The following CCAR2 variants were observed in gnomAD, a reference collection of about 807,000 sequenced individuals.
CCAR2 encodes the protein cell cycle and apoptosis regulator 2, also known as cell cycle and apoptosis regulator protein 2.
A neutral mutation model predicts 108.1 loss-of-function variants in CCAR2; 21 were observed. That is an observed-to-expected ratio of 0.19 (90% confidence interval 0.14 to 0.28). The LOEUF is 0.28. Among genes scored for constraint, CCAR2 ranks in the 10% least tolerant of loss-of-function variants. The pLI, the probability that CCAR2 is intolerant of heterozygous loss-of-function variation, is 1.00. For synonymous variants in CCAR2, 577 were observed against 472.8 expected, an observed-to-expected ratio of 1.22 and a Z score of -2.86; for missense variants, 1,126 against 1,177.0, an observed-to-expected ratio of 0.96 and a Z score of 0.63.
Position 22,606,600 on chromosome 8 carries a change from C to T in CCAR2, c.151-7C>T, listed in dbSNP as rs776320111. 6.2e-7 allele frequency: 1 copy of T among 1,611,850 alleles called. No homozygotes were observed. The highest frequency in any genetic ancestry group is 2.2e-5 in the East Asian group (1 of 44,896). Reference sequence around the variant, plus strand: ...TTTTACTTTTCAGCTGTCTCCTTCTCTTACAGGGTGGGGAGAAACAGCGGG... The same window carrying T: ...TTTTACTTTTCAGCTGTCTCCTTCTTTTACAGGGTGGGGAGAAACAGCGGG... On this transcript the variant is annotated splice_polypyrimidine_tract_variant and splice_region_variant and intron_variant, in intron 3 of 20. Transcript: ENST00000308511.
Position 22,615,885 on chromosome 8 carries a change from G to C in CCAR2, c.1581G>C (p.Arg527=), listed in dbSNP as rs758034379. ...NLSLHGIVED[R]RPKERISFEV... Reference sequence around the variant, plus strand: ...CCCTCCATGGGATTGTGGAGGATCGGAGGCCAAAGGAAAGGATCTCTTTTG... The same window carrying C: ...CCCTCCATGGGATTGTGGAGGATCGCAGGCCAAAGGAAAGGATCTCTTTTG... Residue 527 remains arginine (R), a synonymous_variant, in exon 13 of 21, where the codon CGG becomes CGC. Coordinates refer to ENST00000308511, the MANE Select transcript of CCAR2 (RefSeq NM_001393997.1). 3 of 1,614,072 alleles carry C rather than the reference G, an allele frequency of 1.9e-6. No individual in the cohort carries two copies. Among genetic ancestry groups the C allele is most frequent in the Non-Finnish European group, 2.5e-6 (3 of 1,180,032 alleles).
chr8:22,616,115 C>A lies in CCAR2; in HGVS notation c.1712C>A (p.Pro571His). The A allele has an allele frequency of 6.2e-7, 1 of 1,613,968 alleles. No homozygotes were observed. ...CTTCCTGAAAAGGTCGTGTCCCCACCTGAACCTGAGAAGGAGGAGGCGGCC... is the reference window on the plus strand; with the variant it reads ...CTTCCTGAAAAGGTCGTGTCCCCACATGAACCTGAGAAGGAGGAGGCGGCC... Reference protein sequence around the residue: ...LSLPEKVVSPPEPEKEEAAKE... With the variant: ...LSLPEKVVSPHEPEKEEAAKE... The change falls in exon 14 of 21, where the codon CCT becomes CAT. Residue 571 changes from proline to histidine, a missense_variant. By Grantham distance (77) the Pro-to-His change is moderately conservative (BLOSUM62 -2). This residue lies in a region of CCAR2 where 1,013 missense variants were observed against 993.9 expected (regional missense o/e 1.02). Coordinates refer to ENST00000308511, the MANE Select transcript of CCAR2 (RefSeq NM_001393997.1).
intron 6 of CCAR2, 86 bp downstream of exon 6, chr8:22,607,411 AGGTG>A: frequency 1.4e-6 from 2 of 1,462,424 alleles, no homozygotes; most frequent in Non-Finnish European, 1.8e-6. Context: ...CTTAGCATAG[AGGTG>A]GGTACTTCTA....
Position 22,619,839 on chromosome 8 carries a change from G to C in CCAR2, c.*157G>C, listed in dbSNP as rs200728243. ...CCTCTAGGGGACGGCAGGCCATCAG[G>C]CTGGGGGCTGTGCTATGTGGGATGG... is the stretch of plus-strand genomic sequence containing the variant. On this transcript the variant is annotated 3_prime_UTR_variant, in exon 21 of 21. Coordinates refer to ENST00000308511, the MANE Select transcript of CCAR2 (RefSeq NM_001393997.1). The C allele has an allele frequency of 1.1e-5, 8 of 734,952 alleles. No homozygotes were observed. Among genetic ancestry groups the C allele is most frequent in the Admixed American group, 2.2e-5 (1 of 45,064 alleles). The allele number at this position is 734,952 out of a possible 1,614,324, so 45.5% of individuals were successfully genotyped here.
At chr8:22,608,887 A>G (rs1801179017) in intron 7 of CCAR2, among the ~76,000 whole-genome samples, 1 of 152,230 alleles carries the variant, frequency 6.6e-6, no homozygotes, top group South Asian at 2.1e-4. Context: ...TTCTTCAAGT[A>G]TCAGCTACCA....
Position 22,619,255 on chromosome 8 carries a change from G to T in CCAR2, c.2627G>T (p.Arg876Leu). The change falls in exon 20 of 21, where the codon CGG becomes CTG. Residue 876 changes from arginine to leucine, a missense_variant. Around this residue, in one of 4 missense-constraint regions of CCAR2, gnomAD observed 1,013 missense variants for 993.9 expected, o/e 1.02. Coordinates refer to ENST00000308511, the MANE Select transcript of CCAR2 (RefSeq NM_001393997.1). ...CTGGCGGAGGCCGAGGAGACCGCCCGGACGGCGGAGCGACAGAAGAGCCAG... is the reference window on the plus strand; with the variant it reads ...CTGGCGGAGGCCGAGGAGACCGCCCTGACGGCGGAGCGACAGAAGAGCCAG... Reference protein sequence around the residue: ...VRLAEAEETARTAERQKSQLQ... With the variant: ...VRLAEAEETALTAERQKSQLQ... 1 of 1,565,164 alleles carries T rather than the reference G, an allele frequency of 6.4e-7. No individual in the cohort carries two copies.
At chr8:22,621,402 C>A (rs760381282), downstream of CCAR2, 27 of 1,607,968 alleles carry the variant, frequency 1.7e-5, no homozygotes, top group Non-Finnish European at 2.2e-5. Context: ...TCACAGGAGT[C>A]CTCCAAGAGT....
In CCAR2 at chr8:22,618,337, T is replaced by C. The variant is rs1801605952; in HGVS notation, c.2074-12T>C. The C allele has an allele frequency of 1.2e-6, 2 of 1,614,132 alleles. No homozygotes were observed. The highest frequency in any genetic ancestry group is 1.7e-6 in the Non-Finnish European group (2 of 1,179,974). ...TATTTGCAAATCCTGCTCATCTTTGTTTTCTTTGCAGCCCAAGGAGCTGGA... is the reference window on the plus strand; with the variant it reads ...TATTTGCAAATCCTGCTCATCTTTGCTTTCTTTGCAGCCCAAGGAGCTGGA... On this transcript the variant is annotated splice_polypyrimidine_tract_variant and intron_variant, in intron 16 of 20. Coordinates refer to ENST00000308511, the MANE Select transcript of CCAR2 (RefSeq NM_001393997.1).
intron 8 of CCAR2, 44 bp downstream of exon 8, chr8:22,613,180 T>A: frequency 2.7e-6 from 4 of 1,507,942 alleles, no homozygotes; most frequent in Non-Finnish European, 3.6e-6. Flanking sequence ...CTGCTGGTAA[T>A]AGTTTCTTAT....
intron 7 of CCAR2, among the ~76,000 whole-genome samples, chr8:22,609,046 T>C (rs574933366): frequency 1.4e-5 from 2 of 138,516 alleles, no homozygotes; most frequent in South Asian, 4.8e-4. Flanking sequence ...TTAACCCTTT[T>C]TTTTTCTTTT....
At position 22,611,404 on chromosome 8, in the gene CCAR2, G is replaced by GTGTGTGTGTGTGTGTGTA. The variant is rs1427803187; in HGVS notation, c.585-1612_585-1611insGTGTGTGTGTGTGTGTAT. Among the ~76,000 whole-genome samples, 190 of 105,282 alleles carry GTGTGTGTGTGTGTGTGTA rather than the reference G, an allele frequency of 1.8e-3. 6 individuals carry two copies. The highest frequency in any genetic ancestry group is 6.3e-3 in the African/African-American group (184 of 29,206). The allele number at this position is 105,282 out of a possible 152,430, so 69.1% of individuals were successfully genotyped here. A position where few individuals can be genotyped will look rare whatever the true frequency, so the allele number is the denominator to read the frequency against. The stretch of plus-strand genomic sequence containing the variant: ...AGTATATATATGTGTGTGTGTGTGT[G>GTGTGTGTGTGTGTGTGTA]TATGTGTGTGTATATATGTGTGTAT... On this transcript the variant is annotated intron_variant, in intron 7 of 20. Coordinates refer to ENST00000308511, the MANE Select transcript of CCAR2 (RefSeq NM_001393997.1).
Position 22,619,824 on chromosome 8 carries a change from A to T in CCAR2, c.*142A>T. ...TGACCCCATGCTCAGCCTCTAGGGG[A>T]CGGCAGGCCATCAGGCTGGGGGCTG... On this transcript the variant is annotated 3_prime_UTR_variant, in exon 21 of 21. Coordinates refer to ENST00000308511, the MANE Select transcript of CCAR2 (RefSeq NM_001393997.1). 1 of 834,976 alleles carries T rather than the reference A, an allele frequency of 1.2e-6. No individual in the cohort carries two copies. The allele number at this position is 834,976 out of a possible 1,614,324, so 51.7% of individuals were successfully genotyped here. A position where few individuals can be genotyped will look rare whatever the true frequency, so the allele number is the denominator to read the frequency against.
At position 22,620,341 on chromosome 8, in the gene CCAR2, T is replaced by C. The variant is rs902700216; in HGVS notation, c.*659T>C. The C allele has an allele frequency of 6.6e-6, 1 of 152,556 alleles. No individual in the cohort carries two copies. The highest frequency in any genetic ancestry group is 2.4e-5 in the African/African-American group (1 of 41,428). The allele number at this position is 152,556 out of a possible 1,614,324, so 9.5% of individuals were successfully genotyped here. On this transcript the variant is annotated 3_prime_UTR_variant, in exon 21 of 21. Transcript: ENST00000308511. ...ATGTGGTATTGGCTCTGGCCCAGCC[T>C]TCTCCCCTGTTACCCATAATTCTTG... is the stretch of plus-strand genomic sequence containing the variant.
chr8:22,606,570 C>G, intron 3 of CCAR2, 37 bp from the exon 4 acceptor site: 1 of 1,548,456 alleles, frequency 6.5e-7, no homozygotes, highest in Non-Finnish European at 8.9e-7. Context: ...GTCCAGTTTC[C>G]TCCCTTTTAC....
rs970985145 is a variant in CCAR2, at chr8:22,604,799, T to G, written c.-82T>G. On this transcript the variant is annotated 5_prime_UTR_variant, in exon 1 of 21. Transcript: ENST00000308511. Reference sequence around the variant, plus strand: ...CGGCGGCAGCAGCGGCTGTGGTGGTTCCGGGTGTCTTTGTCCCCCCGGTGT... The same window carrying G: ...CGGCGGCAGCAGCGGCTGTGGTGGTGCCGGGTGTCTTTGTCCCCCCGGTGT... 4.4e-6 allele frequency: 2 copies of G among 455,568 alleles called. No individual in the cohort carries two copies. Among genetic ancestry groups the G allele is most frequent in the Non-Finnish European group, 8.8e-6 (2 of 226,878 alleles). 28.2% of individuals were successfully genotyped at this position (455,568 alleles called of 1,614,324 possible).
Position 22,619,853 on chromosome 8 carries a change from T to G in CCAR2, c.*171T>G, listed in dbSNP as rs1059589. ...CAGGCCATCAGGCTGGGGGCTGTGC[T>G]ATGTGGGATGGATGTGTGAGGAACC... On this transcript the variant is annotated 3_prime_UTR_variant, in exon 21 of 21. Coordinates refer to ENST00000308511, the MANE Select transcript of CCAR2 (RefSeq NM_001393997.1). The G allele has an allele frequency of 3.0e-3, 1,994 of 658,970 alleles. 22 individuals are homozygous for G. The African/African-American group carries it at 0.031, about 10-fold the overall frequency. The allele number at this position is 658,970 out of a possible 1,614,324, so 40.8% of individuals were successfully genotyped here. A position where few individuals can be genotyped will look rare whatever the true frequency, so the allele number is the denominator to read the frequency against.
chr8:22,605,864 T>A, intron 2 of CCAR2, 33 bp downstream of exon 2: 3 of 1,601,298 alleles, frequency 1.9e-6, no homozygotes, highest in Non-Finnish European at 2.6e-6. Context: ...GGCCTCATCC[T>A]GGGAAGTATG....
intron 7 of CCAR2, among the ~76,000 whole-genome samples, chr8:22,608,976 A>G (rs1801182120): frequency 6.6e-6 from 1 of 151,984 alleles, no homozygotes; most frequent in South Asian, 2.1e-4. Flanking sequence ...CGTGGAACTT[A>G]TGTAGATTGA....
Position 22,615,459 on chromosome 8 carries a change from G to A in CCAR2, c.1240G>A (p.Gly414Arg), listed in dbSNP as rs1218201929. ...RFAEFQYLQP[G>R]PPRRLQTVVV... ...TGCCGAGTTTCAGTACCTGCAGCCG[G>A]GACCCCCCCGGCGGCTTCAGACAGT... The change falls in exon 12 of 21, where the codon GGA becomes AGA. Residue 414 changes from glycine (G) to arginine (R), a missense_variant. By Grantham distance (125) the Gly-to-Arg change is moderately radical. Around this residue, in one of 4 missense-constraint regions of CCAR2, gnomAD observed 1,013 missense variants for 993.9 expected, o/e 1.02. Transcript: ENST00000308511. 12 of 1,613,802 alleles carry A rather than the reference G, an allele frequency of 7.4e-6. No homozygotes were observed. The highest frequency in any genetic ancestry group is 1.0e-5 in the Non-Finnish European group (12 of 1,180,004).
Sources: allele counts gnomAD v4.1 joint callset (sites outside exome capture counted in the v4.1 genomes callset), GRCh38; gene constraint gnomAD v4.1.1; regional missense constraint gnomAD v4.1.1; transcripts MANE v1.5; gene names NCBI Gene and HGNC (gene_info 2026-07-23, HGNC 2026-07-21).